The following HTRA1 variants were observed in gnomAD, a reference collection of about 807,000 sequenced individuals.
HTRA1 encodes serine protease HTRA1.
HTRA1 carries 26 observed loss-of-function variants against 49.7 expected under a neutral mutation model. That is an observed-to-expected ratio of 0.52 (90% CI 0.38 to 0.73). The LOEUF (loss-of-function observed/expected upper bound fraction) is 0.73, where lower values mean the gene tolerates loss of function less well. HTRA1 is among the 30% of genes least tolerant of loss of function. The probability of loss-of-function intolerance (pLI) is 0.00; values close to 1 mark genes in which losing one functional copy is unlikely to be tolerated. For synonymous variants in HTRA1, 291 were observed against 286.9 expected (o/e 1.01, Z -0.14); for missense variants, 561 against 667.2 (o/e 0.84, Z 1.75).
Position 122,506,760 on chromosome 10 carries a change from G to C in HTRA1, c.847G>C (p.Gly283Arg). The C allele has an allele frequency of 6.2e-7, 1 of 1,613,874 alleles. No individual in the cohort carries two copies. Among genetic ancestry groups the C allele is most frequent in the Non-Finnish European group, 8.5e-7 (1 of 1,180,030 alleles). The change falls in exon 4 of 9, where the codon GGA becomes CGA. Residue 283 changes from glycine to arginine, a missense_variant. Physicochemically the swap from Gly to Arg is moderately radical, Grantham distance 125. This residue lies in a region of HTRA1 where 271 missense variants were observed against 410.0 expected (regional missense o/e 0.66). Transcript: ENST00000368984. The surrounding 1 kb of genome is among the most constrained non-coding windows in gnomAD (Gnocchi z 5.2). Reference protein sequence around the residue: ...LRPGEFVVAIGSPFSLQNTVT... With the variant: ...LRPGEFVVAIRSPFSLQNTVT... ...GCCGGGAGAGTTCGTGGTCGCCATC[G>C]GAAGCCCGTTTTCCCTTCAAAACAC...
At chr10:122,472,175 G>T (rs2097486391) in intron 1 of HTRA1, among the ~76,000 whole-genome samples, 1 of 151,814 alleles carries the variant, frequency 6.6e-6, no homozygotes, top group Admixed American at 6.6e-5. Context: ...TCCTCTCCTA[G>T]CATAAGGACT....
rs561513837 is a variant in HTRA1 at position 122,492,220 on chromosome 10, G to A, written c.777+2594G>A. 9.9e-5 allele frequency among the ~76,000 whole-genome samples: 15 copies of A among 152,266 alleles called. No individual in the cohort carries two copies. In the South Asian group the frequency reaches 1.0e-3, roughly 11 times the overall value. On this transcript the variant is annotated intron_variant, in intron 3 of 8. Transcript: ENST00000368984. The stretch of plus-strand genomic sequence containing the variant: ...AGTGAAGCTGGTGAGACTGCCTGCC[G>A]CGTCCGTGGGCCCAGTGACTAACTC...
rs776329233 is a variant in HTRA1, at chr10:122,506,985, G to A, written c.972+100G>A. ...AGCCCCTGACTTTGTTGTAGTCTGC[G>A]TGAAGGGATGGAACTAGACCAAGCC... On this transcript the variant is annotated intron_variant, in intron 4 of 8. Transcript: ENST00000368984. The surrounding 1 kb of genome is among the most constrained non-coding windows in gnomAD (Gnocchi z 5.2). The A allele has an allele frequency of 1.5e-5, 16 of 1,044,726 alleles. No homozygotes were observed. The highest frequency in any genetic ancestry group is 5.1e-5 in the East Asian group (2 of 39,372). 64.7% of individuals were successfully genotyped at this position (1,044,726 alleles called of 1,614,324 possible).
At chr10:122,481,772 G>T (rs544184994) in intron 1 of HTRA1, among the ~76,000 whole-genome samples, 2 of 152,264 alleles carry the variant, frequency 1.3e-5, no homozygotes, top group South Asian at 2.1e-4. Context: ...GATCTTTCCC[G>T]CACTGTTCTC....
chr10:122,489,143 A>G (rs2097494539), intron 2 of HTRA1, 142 bp downstream of exon 2: 2 of 750,468 alleles, frequency 2.7e-6, no homozygotes, highest in Admixed American at 2.0e-5. Flanking sequence ...TCTCCCTTAG[A>G]ACATTTTCCC....
At chr10:122,500,987 C>T (rs749305781) in intron 3 of HTRA1, among the ~76,000 whole-genome samples, 3 of 152,168 alleles carry the variant, frequency 2.0e-5, no homozygotes, top group Admixed American at 6.5e-5. Context: ...GCTGTTTCCC[C>T]GCTGACCTCT....
At chr10:122,499,360 G>T (rs1344055778) in intron 3 of HTRA1, among the ~76,000 whole-genome samples, 1 of 152,214 alleles carries the variant, frequency 6.6e-6, no homozygotes, top group Non-Finnish European at 1.5e-5. Context: ...GATAGGTCGA[G>T]AGAGACAGCA....
At chr10:122,504,947 C>A (rs770811740) in intron 3 of HTRA1, among the ~76,000 whole-genome samples, 2 of 152,338 alleles carry the variant, frequency 1.3e-5, no homozygotes, top group Admixed American at 6.5e-5. Flanking sequence ...TCAGGGCAGA[C>A]CTTTACCATG....
At chr10:122,483,065 G>C (rs1003333311) in intron 1 of HTRA1, among the ~76,000 whole-genome samples, 1 of 152,024 alleles carries the variant, frequency 6.6e-6, no homozygotes, top group Non-Finnish European at 1.5e-5. Flanking sequence ...GTGTGATAAT[G>C]AATGTCAAAC....
intron 3 of HTRA1, among the ~76,000 whole-genome samples, chr10:122,500,456 C>T (rs1255430852): frequency 6.6e-6 from 1 of 152,150 alleles, no homozygotes; most frequent in East Asian, 1.9e-4. Flanking sequence ...GGGCTCAACT[C>T]CCTAATTTTA....
chr10:122,486,978 T>C (rs2097493383), intron 1 of HTRA1, among the ~76,000 whole-genome samples: 1 of 151,992 alleles, frequency 6.6e-6, no homozygotes. Context: ...TGCATTTGCA[T>C]CTCTGTGTAT....
At chr10:122,484,395 A>G (rs1239022354) in intron 1 of HTRA1, among the ~76,000 whole-genome samples, 2 of 152,214 alleles carry the variant, frequency 1.3e-5, no homozygotes, top group Non-Finnish European at 2.9e-5. Context: ...CGTGAAGGCC[A>G]GAAAAAACAG....
At chr10:122,500,135 C>T (rs2097500297) in intron 3 of HTRA1, among the ~76,000 whole-genome samples, 1 of 152,122 alleles carries the variant, frequency 6.6e-6, no homozygotes, top group Admixed American at 6.5e-5. Flanking sequence ...CTAGGCAGAA[C>T]CCTGAATGGA....
intron 3 of HTRA1, among the ~76,000 whole-genome samples, chr10:122,496,225 G>GTTTTGTTTTTTTTTTTTTTTTTTTT (rs1287521208): frequency 1.2e-5 from 1 of 80,384 alleles, no homozygotes; most frequent in African/African-American, 5.1e-5. Context: ...GAGATTGTGG[G>GTTTTGTTTTTTTTTTTTTTTTTTTT]TTCTTTTTTT....
chr10:122,507,030 C>T (rs2097503349), intron 4 of HTRA1, 145 bp downstream of exon 4: 4 of 783,634 alleles, frequency 5.1e-6, no homozygotes. Context: ...CTAGTGCCAG[C>T]AGCATGGCAG....
chr10:122,488,112 G>C lies in HTRA1; in HGVS notation c.473-790G>C, dbSNP rs137944553. 1.1e-3 allele frequency among the ~76,000 whole-genome samples: 162 copies of C among 152,176 alleles called. 2 individuals are homozygous for C. In the East Asian group the frequency reaches 0.022, roughly 21 times the overall value. On this transcript the variant is annotated intron_variant, in intron 1 of 8. Transcript: ENST00000368984. ...AGATAGGAGCTGCCCCTTTGCCTTC[G>C]TGTTTCTTCGTAATAATCTCAGATG...
At chr10:122,512,746 G>T (rs990792294) in intron 8 of HTRA1, among the ~76,000 whole-genome samples, 1 of 151,968 alleles carries the variant, frequency 6.6e-6, no homozygotes, top group Non-Finnish European at 1.5e-5. Context: ...GGTGGTATTT[G>T]GTTACATGAG....
intron 6 of HTRA1, among the ~76,000 whole-genome samples, chr10:122,509,013 C>T (rs1197898958): frequency 2.0e-5 from 3 of 152,198 alleles, no homozygotes. Context: ...AGGCATGATC[C>T]TAGGTGACTT....
At position 122,508,641 on chromosome 10, in the gene HTRA1, C is replaced by T. The variant is rs2097504257; in HGVS notation, c.1006-15C>T. On this transcript the variant is annotated splice_polypyrimidine_tract_variant and intron_variant, in intron 5 of 8. Coordinates refer to ENST00000368984, the MANE Select transcript of HTRA1 (RefSeq NM_002775.5). ...GCTTCACGATTCAGTAAGCCGTGTC[C>T]TTCTTGCTTTTCAGGACGGTGAAGT... The T allele has an allele frequency of 6.5e-7, 1 of 1,536,288 alleles. No homozygotes were observed. Among genetic ancestry groups the T allele is most frequent in the South Asian group, 1.1e-5 (1 of 89,534 alleles).
Sources: allele counts gnomAD v4.1 joint callset (sites outside exome capture counted in the v4.1 genomes callset), GRCh38; gene constraint gnomAD v4.1.1; regional missense constraint gnomAD v4.1.1; non-coding constraint Gnocchi (gnomAD v3.1); transcripts MANE v1.5; gene names NCBI Gene and HGNC (gene_info 2026-07-23, HGNC 2026-07-21).